Variants in XYLB observed in about 807,000 individuals in gnomAD.
The protein encoded by XYLB is xylulose kinase.
Under a neutral mutation model 78.7 loss-of-function variants are expected in XYLB, and 62 were observed. That is an observed-to-expected ratio of 0.79 (90% CI 0.64 to 0.97). XYLB has a LOEUF of 0.97. Among genes scored for constraint, XYLB ranks in the 50% least tolerant of loss-of-function variants. The pLI, the probability that XYLB is intolerant of heterozygous loss-of-function variation, is 0.00. For missense variants in XYLB, 687 were observed against 676.8 expected (o/e 1.02, Z -0.17); for synonymous variants, 245 against 247.4 (o/e 0.99, Z 0.09).
chr3:38,398,647 T>C (rs1313251571), intron 17 of XYLB, among the ~76,000 whole-genome samples: 1 of 150,808 alleles, frequency 6.6e-6, no homozygotes, highest in African/African-American at 2.4e-5. Flanking sequence ...TGAGTCTGCC[T>C]GCCTGCCTGC....
intron 11 of XYLB, among the ~76,000 whole-genome samples, chr3:38,374,788 G>A (rs1369032733): frequency 6.6e-6 from 1 of 152,192 alleles, no homozygotes; most frequent in African/African-American, 2.4e-5. Context: ...CAGAGGGTCA[G>A]ATGTGGGGCC....
At chr3:38,401,163 A>G in intron 18 of XYLB, 178 bp downstream of exon 18, 1 of 614,178 alleles carries the variant, frequency 1.6e-6, no homozygotes, top group South Asian at 2.0e-5. Flanking sequence ...GCTGCAAGTC[A>G]CAGATACTGC....
At chr3:38,415,532 C>T (rs1575552206), downstream of XYLB, among the ~76,000 whole-genome samples, 1 of 152,138 alleles carries the variant, frequency 6.6e-6, no homozygotes, top group East Asian at 1.9e-4. Flanking sequence ...TCTGTAATCC[C>T]AGCACTTTGG....
chr3:38,397,452 C>T (rs998529834), intron 17 of XYLB, among the ~76,000 whole-genome samples: 1 of 152,152 alleles, frequency 6.6e-6, no homozygotes, highest in Non-Finnish European at 1.5e-5. Context: ...TGGTTGAGAG[C>T]ACGTGGGCAT....
chr3:38,398,157 G>GCAA (rs1339699581), intron 17 of XYLB, among the ~76,000 whole-genome samples: 1 of 151,492 alleles, frequency 6.6e-6, no homozygotes, highest in Non-Finnish European at 1.5e-5. Flanking sequence ...AATTAATCAG[G>GCAA]CAACATATCC....
chr3:38,358,039 A>G (rs1172983528), intron 2 of XYLB, among the ~76,000 whole-genome samples: 2 of 151,416 alleles, frequency 1.3e-5, no homozygotes, highest in African/African-American at 2.4e-5. Context: ...TAATTTTGAT[A>G]AAGTCTAATC....
At chr3:38,439,998 T>C in the XYLB span, among the ~76,000 whole-genome samples, 5 of 152,302 alleles carry the variant, frequency 3.3e-5, no homozygotes, top group African/African-American at 9.6e-5. Context: ...GATTTTGTTA[T>C]TTCTTGTAAA....
downstream of XYLB, among the ~76,000 whole-genome samples, chr3:38,418,578 T>G (rs1174863606): frequency 6.6e-6 from 1 of 152,280 alleles, no homozygotes; most frequent in East Asian, 1.9e-4. Flanking sequence ...ATACGACAGA[T>G]TGAATAGATT....
the XYLB span, among the ~76,000 whole-genome samples, chr3:38,434,793 T>A: frequency 6.6e-6 from 1 of 152,174 alleles, no homozygotes; most frequent in African/African-American, 2.4e-5. Context: ...CATATATCAA[T>A]AATAACCTTG....
At chr3:38,444,359 G>A in the XYLB span, among the ~76,000 whole-genome samples, 4 of 152,094 alleles carry the variant, frequency 2.6e-5, no homozygotes, top group Admixed American at 2.0e-4. Context: ...GTTTCCTTCT[G>A]GGCAGAGAAG....
In XYLB at chr3:38,368,107, C is replaced by G; in HGVS notation, c.574-78C>G. ...CTTCCCTCTCCAATTTTTTTTCATG[C>G]TTTGTGTGTGTCAGAAGCATTCAGT... On this transcript the variant is annotated intron_variant, in intron 7 of 18. Transcript: ENST00000207870. 3.6e-6 allele frequency: 5 copies of G among 1,393,850 alleles called. No homozygotes were observed. The South Asian group carries it at 6.0e-5, about 17-fold the overall frequency. The allele number at this position is 1,393,850 out of a possible 1,614,324, so 86.3% of individuals were successfully genotyped here. A position where few individuals can be genotyped will look rare whatever the true frequency, so the allele number is the denominator to read the frequency against.
At chr3:38,403,124 C>T (rs989923823) in intron 18 of XYLB, among the ~76,000 whole-genome samples, 7 of 151,650 alleles carry the variant, frequency 4.6e-5, no homozygotes, top group African/African-American at 1.2e-4. Flanking sequence ...TGGCAAAAAC[C>T]GTGTCTCTAC....
At chr3:38,400,788 A>G in intron 17 of XYLB, 103 bp from the exon 18 acceptor site, 2 of 855,942 alleles carry the variant, frequency 2.3e-6, no homozygotes, top group Non-Finnish European at 3.8e-6. Flanking sequence ...ACTATAATCC[A>G]GTTTTAGAAC....
At chr3:38,374,563 A>C in intron 11 of XYLB, 61 bp downstream of exon 11, 1 of 1,605,538 alleles carries the variant, frequency 6.2e-7, no homozygotes, top group Non-Finnish European at 8.5e-7. Flanking sequence ...CCACACTCTG[A>C]TAAGTAGCAG....
intron 14 of XYLB, among the ~76,000 whole-genome samples, chr3:38,378,697 G>T (rs994220069): frequency 6.6e-6 from 1 of 151,606 alleles, no homozygotes; most frequent in Non-Finnish European, 1.5e-5. Flanking sequence ...ATGGCGGCAG[G>T]TTCTAGCATT....
intron 17 of XYLB, among the ~76,000 whole-genome samples, chr3:38,397,852 C>T (rs2125649500): frequency 6.9e-6 from 1 of 145,528 alleles, no homozygotes; most frequent in Admixed American, 7.0e-5. Context: ...CGGAGTCTTG[C>T]TCTGTCACCA....
the XYLB span, among the ~76,000 whole-genome samples, chr3:38,448,550 T>G: frequency 6.6e-6 from 1 of 152,240 alleles, no homozygotes; most frequent in Non-Finnish European, 1.5e-5. Context: ...CTGCTTCTTT[T>G]GGGTCACATT....
At chr3:38,441,163 T>C in the XYLB span, among the ~76,000 whole-genome samples, 1 of 152,246 alleles carries the variant, frequency 6.6e-6, no homozygotes, top group Non-Finnish European at 1.5e-5. Flanking sequence ...TTGTGATATT[T>C]AATGGGGGTT....
In XYLB at chr3:38,352,853, C is replaced by T. The variant is rs116637174; in HGVS notation, c.140+4221C>T. ...AGAAGGATACACAACAAATTAAAGT[C>T]ATCTGTAGAGAAGGGACGGAGAGGA... On this transcript the variant is annotated intron_variant, in intron 2 of 18. Coordinates refer to ENST00000207870, the MANE Select transcript of XYLB (RefSeq NM_005108.4). 5.4e-3 allele frequency among the ~76,000 whole-genome samples: 825 copies of T among 152,162 alleles called. 5 individuals carry two copies. The highest frequency in any genetic ancestry group is 0.017 in the Middle Eastern group (5 of 294).
Sources: gnomAD v4.1 joint callset for allele counts (sites outside exome capture counted in the v4.1 genomes callset) on GRCh38, gnomAD v4.1.1 for gene constraint, MANE v1.5 for transcripts, NCBI Gene and HGNC (gene_info 2026-07-23, HGNC 2026-07-21) for gene names.